Variants in PEMT observed in about 807,000 individuals in gnomAD.
The protein encoded by PEMT is phosphatidylethanolamine N-methyltransferase, also known as phospholipid methyltransferase.
PEMT carries 23 observed loss-of-function variants against 27.4 expected under a neutral mutation model. That is an observed-to-expected ratio of 0.84 (90% CI 0.60 to 1.19). The LOEUF is 1.19. PEMT is among the 50% of genes most tolerant of loss of function. PEMT has a pLI of 0.00. For missense variants in PEMT, 307 were observed against 310.1 expected, an observed-to-expected ratio of 0.99 and a Z score of 0.07; for synonymous variants, 137 against 139.1, an observed-to-expected ratio of 0.98 and a Z score of 0.11.
intron 4 of PEMT, among the ~76,000 whole-genome samples, chr17:17,511,713 C>T (rs945524526): frequency 6.6e-6 from 1 of 152,240 alleles, no homozygotes; most frequent in East Asian, 1.9e-4. Flanking sequence ...GACCAACTCC[C>T]TGCTCACTGG....
At chr17:17,531,381 T>C (rs1908081248) in intron 2 of PEMT, among the ~76,000 whole-genome samples, 1 of 151,740 alleles carries the variant, frequency 6.6e-6, no homozygotes, top group African/African-American at 2.4e-5. Context: ...TCTGTCTCAG[T>C]AGGATTTGTC....
intron 2 of PEMT, among the ~76,000 whole-genome samples, chr17:17,575,980 A>G (rs566904493): frequency 1.2e-4 from 19 of 152,298 alleles, no homozygotes; most frequent in African/African-American, 4.6e-4. Flanking sequence ...ACTGTCTGGA[A>G]CAATGTGCTG....
At chr17:17,520,804 G>A (rs986710807) in intron 3 of PEMT, among the ~76,000 whole-genome samples, 2 of 152,260 alleles carry the variant, frequency 1.3e-5, no homozygotes, top group African/African-American at 4.8e-5. Flanking sequence ...CAAAGGCCAG[G>A]AGCCAGGGGT....
chr17:17,586,278 A>G (rs1488135066), intron 1 of PEMT, among the ~76,000 whole-genome samples: 2 of 109,394 alleles, frequency 1.8e-5, no homozygotes, highest in African/African-American at 9.3e-5. Flanking sequence ...GAAAGAAAGA[A>G]AGAAAGAAAG....
chr17:17,583,038 G>GGCAACA (rs1912060082), intron 1 of PEMT, among the ~76,000 whole-genome samples: 2 of 150,170 alleles, frequency 1.3e-5, no homozygotes, highest in South Asian at 2.1e-4. Flanking sequence ...CTCCAGCCTG[G>GGCAACA]ATGACAGAGC....
At chr17:17,559,883 C>T (rs577076165) in intron 2 of PEMT, among the ~76,000 whole-genome samples, 4 of 152,368 alleles carry the variant, frequency 2.6e-5, no homozygotes, top group South Asian at 2.1e-4. Flanking sequence ...CCCCGCTGCA[C>T]GGCTGCGAGT....
Position 17,505,812 on chromosome 17 carries a change from G to A in PEMT, c.690C>T (p.Ser230=), listed in dbSNP as rs758030412. The part of the protein sequence containing the change: ...FTAEIYRQKA[S]GSHKRS ...TCAATCAGCTCCTCTTGTGGGACCC[G>A]GAGGCTTTCTGCCGGTAGATCTCAG... The change falls in exon 7 of 7, where the codon TCC becomes TCT. Residue 230 remains serine, a synonymous_variant. Coordinates refer to ENST00000255389, the MANE Select transcript of PEMT (RefSeq NM_148172.3). 25 of 1,611,198 alleles carry A rather than the reference G, an allele frequency of 1.6e-5. No individual in the cohort carries two copies. The highest frequency in any genetic ancestry group is 1.1e-4 in the African/African-American group (8 of 74,824).
rs73978955 is a variant in PEMT, at chr17:17,512,074, G to A, written c.466+435C>T. Reference sequence around the variant, plus strand: ...CACAAACCACAATCCTGCCTGGCCTGAGAGCCACGCGTGCCGGGAGCTGCC... The same window carrying A: ...CACAAACCACAATCCTGCCTGGCCTAAGAGCCACGCGTGCCGGGAGCTGCC... On this transcript the variant is annotated intron_variant, in intron 4 of 6. Transcript: ENST00000255389. This position sits in a 1 kb window ranked among gnomAD's most constrained non-coding sequence, Gnocchi z 6.3. 0.032 allele frequency among the ~76,000 whole-genome samples: 4,839 copies of A among 152,272 alleles called. 233 individuals are homozygous for A. The highest frequency in any genetic ancestry group is 0.11 in the African/African-American group (4,542 of 41,528).
At chr17:17,506,181 G>A (rs764568141) in intron 6 of PEMT, 46 bp downstream of exon 6, 2 of 1,417,248 alleles carry the variant, frequency 1.4e-6, no homozygotes, top group Admixed American at 2.0e-5. Context: ...GGAGAGACAG[G>A]GCCAGTCGGG....
chr17:17,584,688 A>G (rs1250878672), intron 1 of PEMT, among the ~76,000 whole-genome samples: 1 of 152,184 alleles, frequency 6.6e-6, no homozygotes, highest in Non-Finnish European at 1.5e-5. Flanking sequence ...GTGTAAATAC[A>G]CATTGTATTT....
intron 2 of PEMT, among the ~76,000 whole-genome samples, chr17:17,539,672 C>T (rs1908742537): frequency 6.6e-6 from 1 of 152,242 alleles, no homozygotes; most frequent in African/African-American, 2.4e-5. Flanking sequence ...GTCAGCTAAT[C>T]ACGATCATGG....
Position 17,582,437 on chromosome 17 carries a change from G to A in PEMT, c.97-5410C>T. ...GAGCAGCGCTCTGTGGTCAGGGAAT[G>A]ATCTGCAGTGGGTCAACATGTCACA... On this transcript the variant is annotated intron_variant, in intron 1 of 6. Coordinates refer to ENST00000255389, the MANE Select transcript of PEMT (RefSeq NM_148172.3). The surrounding 1 kb of genome is among the most constrained non-coding windows in gnomAD (Gnocchi z 4.9). 1 of 985,396 alleles carries A rather than the reference G, an allele frequency of 1.0e-6. No individual in the cohort carries two copies. Among genetic ancestry groups the A allele is most frequent in the Non-Finnish European group, 1.2e-6 (1 of 829,874 alleles). 61.0% of individuals were successfully genotyped at this position (985,396 alleles called of 1,614,324 possible).
At chr17:17,581,082 G>A (rs1911947714) in intron 1 of PEMT, among the ~76,000 whole-genome samples, 1 of 152,156 alleles carries the variant, frequency 6.6e-6, no homozygotes, top group South Asian at 2.1e-4. Flanking sequence ...CATTTTCCAG[G>A]GCCAGGAAAA....
chr17:17,576,816 C>G (rs1911624369), intron 2 of PEMT, 104 bp downstream of exon 2: 2 of 867,836 alleles, frequency 2.3e-6, no homozygotes, highest in South Asian at 2.8e-5. Context: ...GCAGAGCTGT[C>G]TGTCTGTCTG....
intron 5 of PEMT, chr17:17,507,049 G>A (rs992180820): frequency 1.2e-5 from 12 of 973,166 alleles, no homozygotes; most frequent in Admixed American, 4.1e-5. Flanking sequence ...TCCTGACCCC[G>A]CCACACCAGT....
chr17:17,559,242 G>T (rs543691873), intron 2 of PEMT, among the ~76,000 whole-genome samples: 2 of 152,342 alleles, frequency 1.3e-5, no homozygotes, highest in East Asian at 3.9e-4. Flanking sequence ...GGACCCTGGG[G>T]AGGGCTGGAG....
intron 5 of PEMT, chr17:17,507,294 G>A (rs1905954447): frequency 3.0e-6 from 3 of 1,013,412 alleles, no homozygotes; most frequent in Non-Finnish European, 4.5e-6. Flanking sequence ...GGGCAGGCCT[G>A]GGCCAGGGGC....
intron 2 of PEMT, among the ~76,000 whole-genome samples, chr17:17,550,637 T>C (rs1909592999): frequency 6.6e-6 from 1 of 152,260 alleles, no homozygotes; most frequent in South Asian, 2.1e-4. Context: ...CAACAGTTTT[T>C]AGTTGACAAT....
chr17:17,584,810 C>T lies in PEMT; in HGVS notation c.96+6721G>A, dbSNP rs367977059. Among the ~76,000 whole-genome samples, 72 of 152,378 alleles carry T rather than the reference C, an allele frequency of 4.7e-4. No individual in the cohort carries two copies. In the East Asian group the frequency reaches 6.2e-3, roughly 13 times the overall value. ...GAACAGAGTGCTGATGAGACAAGGA[C>T]GCCCGTGCCACGGCGGGCAGCCATC... On this transcript the variant is annotated intron_variant, in intron 1 of 6. Transcript: ENST00000255389.
Sources: gnomAD v4.1 joint callset for allele counts (sites outside exome capture counted in the v4.1 genomes callset) on GRCh38, gnomAD v4.1.1 for gene constraint, Gnocchi (gnomAD v3.1) non-coding constraint, MANE v1.5 for transcripts, NCBI Gene and HGNC (gene_info 2026-07-23, HGNC 2026-07-21) for gene names.